ARSJ: variants seen among roughly 807,000 people sequenced by gnomAD.
ARSJ encodes the protein arylsulfatase family member J.
Under a neutral mutation model 35.9 loss-of-function variants are expected in ARSJ, and 26 were observed. The observed-to-expected ratio is 0.72, with a 90% CI of 0.53 to 1.00. ARSJ has a LOEUF of 1.00. Among genes scored for constraint, ARSJ ranks in the 50% least tolerant of loss-of-function variants. The pLI, the probability that ARSJ is intolerant of heterozygous loss-of-function variation, is 0.00. For synonymous variants in ARSJ, 294 were observed against 267.6 expected (o/e 1.10, Z -0.96); for missense variants, 667 against 723.6 (o/e 0.92, Z 0.90).
chr4:113,969,926 A>C (rs145935244), intron 1 of ARSJ, among the ~76,000 whole-genome samples: 13 of 152,318 alleles, frequency 8.5e-5, no homozygotes, highest in Non-Finnish European at 1.9e-4. Flanking sequence ...CAAGGGAAGG[A>C]AGAGGTTCAG....
intron 1 of ARSJ, among the ~76,000 whole-genome samples, chr4:113,950,616 T>G (rs764628979): frequency 9.9e-5 from 15 of 151,992 alleles, no homozygotes; most frequent in Non-Finnish European, 2.1e-4. Flanking sequence ...AGGGGAGAGA[T>G]AGTAATTTTG....
At chr4:113,945,210 AC>A (rs1725399645) in intron 1 of ARSJ, among the ~76,000 whole-genome samples, 2 of 151,984 alleles carry the variant, frequency 1.3e-5, no homozygotes, top group Non-Finnish European at 2.9e-5. Flanking sequence ...TGGTGAAATC[AC>A]AGCTCACTGA....
chr4:113,951,501 G>A (rs772159461), intron 1 of ARSJ, among the ~76,000 whole-genome samples: 17 of 151,952 alleles, frequency 1.1e-4, no homozygotes, highest in Non-Finnish European at 2.1e-4. Context: ...ATCTGAAGTC[G>A]ACACTTTATT....
chr4:113,906,019 AC>A lies in ARSJ; in HGVS notation c.399-2345del, dbSNP rs2099668651. Among the ~76,000 whole-genome samples, 6 of 152,294 alleles carry A rather than the reference AC, an allele frequency of 3.9e-5. No homozygotes were observed. In the South Asian group the frequency reaches 1.2e-3, roughly 32 times the overall value. Reference sequence around the variant, plus strand: ...CAATTGTGAAAAAACTAATTTTTTAACAAGTGAATGTTTTAGACACAAGTGA... The same window carrying A: ...CAATTGTGAAAAAACTAATTTTTTAAAAGTGAATGTTTTAGACACAAGTGA... On this transcript the variant is annotated intron_variant, in intron 1 of 1. Coordinates refer to ENST00000315366, the MANE Select transcript of ARSJ (RefSeq NM_024590.4).
intron 1 of ARSJ, among the ~76,000 whole-genome samples, chr4:113,913,311 T>A (rs1024978506): frequency 6.6e-6 from 1 of 152,176 alleles, no homozygotes; most frequent in African/African-American, 2.4e-5. Context: ...ATTTTCCTGG[T>A]CTCTTTGGAA....
chr4:113,921,082 T>TAC (rs746326993), intron 1 of ARSJ, among the ~76,000 whole-genome samples: 7,408 of 129,586 alleles, frequency 0.057, 487 homozygotes, highest in African/African-American at 0.16. Context: ...TTCCCTGAAA[T>TAC]ACACACACAC....
At chr4:113,964,472 T>C (rs114500428) in intron 1 of ARSJ, among the ~76,000 whole-genome samples, 1 of 152,096 alleles carries the variant, frequency 6.6e-6, no homozygotes, top group Non-Finnish European at 1.5e-5. Flanking sequence ...TATAAACTTA[T>C]TTTATGAGAG....
chr4:113,906,362 GA>G (rs1241161341), intron 1 of ARSJ, among the ~76,000 whole-genome samples: 1 of 151,942 alleles, frequency 6.6e-6, no homozygotes, highest in Admixed American at 6.5e-5. Flanking sequence ...AACGTTTGCA[GA>G]AAAAAAAGAA....
intron 1 of ARSJ, among the ~76,000 whole-genome samples, chr4:113,930,973 A>G (rs1562350992): frequency 6.6e-6 from 1 of 151,538 alleles, no homozygotes; most frequent in Non-Finnish European, 1.5e-5. Flanking sequence ...GGAATTGAAC[A>G]ATGAGATCAC....
At chr4:113,941,299 A>G (rs1300491940) in intron 1 of ARSJ, among the ~76,000 whole-genome samples, 1 of 152,096 alleles carries the variant, frequency 6.6e-6, no homozygotes, top group Non-Finnish European at 1.5e-5. Flanking sequence ...TTCAAAGTGT[A>G]GTTTTTTGGT....
In ARSJ at chr4:113,968,416, C is replaced by T. The variant is rs1392993516; in HGVS notation, c.398+10021G>A. Among the ~76,000 whole-genome samples, 5 of 152,138 alleles carry T rather than the reference C, an allele frequency of 3.3e-5. 1 individual carries two copies. The South Asian group carries it at 6.2e-4, about 19-fold the overall frequency. On this transcript the variant is annotated intron_variant, in intron 1 of 1. Coordinates refer to ENST00000315366, the MANE Select transcript of ARSJ (RefSeq NM_024590.4). ...CTGAAACAGAAGTATGCAGAAAAGA[C>T]GGTAGGAACAGAGCAGAATGCACTT...
At chr4:113,923,188 T>G (rs1191099553) in intron 1 of ARSJ, among the ~76,000 whole-genome samples, 1 of 152,208 alleles carries the variant, frequency 6.6e-6, no homozygotes, top group Non-Finnish European at 1.5e-5. Context: ...TTCCTTAAAA[T>G]AAATTTCTTT....
chr4:113,946,048 T>C (rs1385212860), intron 1 of ARSJ: 1 of 152,036 alleles, frequency 6.6e-6, no homozygotes, highest in African/African-American at 2.4e-5. Flanking sequence ...CTTCTTGGTA[T>C]AAAAATAATT....
At chr4:113,971,039 TA>T (rs1482494424) in intron 1 of ARSJ, 2 of 142,384 alleles carry the variant, frequency 1.4e-5, no homozygotes, top group Non-Finnish European at 3.1e-5. Flanking sequence ...TTATTTTTAT[TA>T]TTTTTTTTAC....
chr4:113,962,830 C>T (rs1289201662), intron 1 of ARSJ, among the ~76,000 whole-genome samples: 1 of 152,082 alleles, frequency 6.6e-6, no homozygotes, highest in Non-Finnish European at 1.5e-5. Flanking sequence ...AAAGTCAGTG[C>T]CCCTGCCTGT....
chr4:113,920,760 T>C (rs1439613020), intron 1 of ARSJ, among the ~76,000 whole-genome samples: 1 of 152,108 alleles, frequency 6.6e-6, no homozygotes, highest in Non-Finnish European at 1.5e-5. Context: ...GTGTCAACTA[T>C]GAGAAAGTCA....
chr4:113,903,688 G>GA lies in ARSJ; in HGVS notation c.399-14dup, dbSNP rs780021163. 4.5e-5 allele frequency: 71 copies of GA among 1,576,670 alleles called. No homozygotes were observed. In the African/African-American group the frequency reaches 7.0e-4, roughly 16 times the overall value. On this transcript the variant is annotated splice_polypyrimidine_tract_variant and intron_variant, in intron 1 of 1. Transcript: ENST00000315366. ...GTGTATCTGATACCTTAAGAAAAGA[G>GA]AAAAAAATTGTTATCAGGGCAGGAT...
rs775822151 is a variant in ARSJ at position 113,902,397 on chromosome 4, G to A, written c.1677C>T (p.Thr559=). The change falls in exon 2 of 2, where the codon ACC becomes ACT. Residue 559 remains threonine, a synonymous_variant. Transcript: ENST00000315366. Reference sequence around the variant, plus strand: ...GATTTTTGCTTGGCTTCTTTTTCTTGGTTTCCTCTTTATACCATGGTCCCC... The same window carrying A: ...GATTTTTGCTTGGCTTCTTTTTCTTAGTTTCCTCTTTATACCATGGTCCCC... The part of the protein sequence containing the change: ...GVWGPWYKEE[T]KKKKPSKNQA... 25 of 1,613,042 alleles carry A rather than the reference G, an allele frequency of 1.5e-5. No homozygotes were observed. Among genetic ancestry groups the A allele is most frequent in the Non-Finnish European group, 2.0e-5 (24 of 1,179,776 alleles).
chr4:113,931,805 C>T (rs1724471799), intron 1 of ARSJ, among the ~76,000 whole-genome samples: 1 of 151,980 alleles, frequency 6.6e-6, no homozygotes, highest in Non-Finnish European at 1.5e-5. Flanking sequence ...ATCCAGGAGA[C>T]ATTAAAATGT....
Sources: allele counts gnomAD v4.1 joint callset (sites outside exome capture counted in the v4.1 genomes callset), GRCh38; gene constraint gnomAD v4.1.1; transcripts MANE v1.5; gene names NCBI Gene and HGNC (gene_info 2026-07-23, HGNC 2026-07-21).